The following RHBDF1 variants were observed in gnomAD, a reference collection of about 807,000 sequenced individuals.
RHBDF1 encodes inactive rhomboid protein 1.
A neutral mutation model predicts 98.6 loss-of-function variants in RHBDF1; 80 were observed. The ratio of observed to expected loss-of-function variants is 0.81; its 90% CI spans 0.68 to 0.98. The LOEUF is 0.98. Among genes scored for constraint, RHBDF1 ranks in the 50% least tolerant of loss-of-function variants. The probability of loss-of-function intolerance (pLI) is 0.00; values close to 1 mark genes in which losing one functional copy is unlikely to be tolerated. For missense variants in RHBDF1, 1,116 were observed against 1,198.3 expected (o/e 0.93, Z 1.01); for synonymous variants, 512 against 486.8 (o/e 1.05, Z -0.68).
chr16:68,305 G>T (rs1444879229), intron 1 of RHBDF1, among the ~76,000 whole-genome samples: 1 of 152,230 alleles, frequency 6.6e-6, no homozygotes, highest in Non-Finnish European at 1.5e-5. Flanking sequence ...TGGGCCTCAA[G>T]TGGGTGGGAT....
At chr16:60,943 G>C (rs1567113175) in intron 11 of RHBDF1, 177 bp downstream of exon 11, 1 of 659,296 alleles carries the variant, frequency 1.5e-6, no homozygotes. Context: ...ACGGGGCGAG[G>C]AGCTGGAGAT....
chr16:69,813 T>C (rs937564398), intron 1 of RHBDF1, among the ~76,000 whole-genome samples: 5 of 152,118 alleles, frequency 3.3e-5, no homozygotes, highest in Non-Finnish European at 7.4e-5. Context: ...CCTGAGACCT[T>C]TGCAGGGTTC....
At chr16:73,238 G>A (rs1049379734), upstream of RHBDF1, among the ~76,000 whole-genome samples, 2 of 151,938 alleles carry the variant, frequency 1.3e-5, no homozygotes, top group Non-Finnish European at 2.9e-5. Flanking sequence ...ACACACACAC[G>A]TGTACACACC....
At chr16:64,027 G>C (rs1897750490) in intron 3 of RHBDF1, 4 of 699,780 alleles carry the variant, frequency 5.7e-6, no homozygotes, top group Non-Finnish European at 1.0e-5. Context: ...TTGCCCGGTT[G>C]AGTGCTTCAT....
In RHBDF1 at chr16:61,375, C is replaced by T. The variant is rs769175423; in HGVS notation, c.1395+10G>A. The T allele has an allele frequency of 4.4e-6, 7 of 1,597,458 alleles. No homozygotes were observed. The African/African-American group carries it at 8.0e-5, about 18-fold the overall frequency. ...GCCCCCGCCGGCCCCGCCCCCAGCCCCGTCCTCACCGAGCTGGGCCCGATC... is the reference window on the plus strand; with the variant it reads ...GCCCCCGCCGGCCCCGCCCCCAGCCTCGTCCTCACCGAGCTGGGCCCGATC... On this transcript the variant is annotated intron_variant, in intron 10 of 17. Coordinates refer to ENST00000262316, the MANE Select transcript of RHBDF1 (RefSeq NM_022450.5).
chr16:63,067 GAGA>G lies in RHBDF1; in HGVS notation c.575_577del (p.Phe192del). 1 of 1,612,712 alleles carries G rather than the reference GAGA, an allele frequency of 6.2e-7. No homozygotes were observed. Among genetic ancestry groups the G allele is most frequent in the Non-Finnish European group, 8.5e-7 (1 of 1,179,736 alleles). ...CCGGTGGAAACCTGAGCGGGAGCTG[GAGA>G]AGGAGCAGAGGGAGGCAGCACCCGG... On this transcript the variant is annotated inframe_deletion, in exon 5 of 18. Coordinates refer to ENST00000262316, the MANE Select transcript of RHBDF1 (RefSeq NM_022450.5).
At chr16:71,583 G>A (rs1323972406) in intron 1 of RHBDF1, among the ~76,000 whole-genome samples, 1 of 152,224 alleles carries the variant, frequency 6.6e-6, no homozygotes, top group Non-Finnish European at 1.5e-5. Context: ...AAGTCCCGTT[G>A]GCGGGTGGGA....
intron 1 of RHBDF1, among the ~76,000 whole-genome samples, chr16:66,034 T>G (rs908961416): frequency 6.6e-6 from 1 of 152,146 alleles, no homozygotes; most frequent in East Asian, 1.9e-4. Context: ...CGACTCCATT[T>G]CCCCCTTACA....
At chr16:63,433 CTG>C (rs900659750) in intron 4 of RHBDF1, among the ~76,000 whole-genome samples, 152 bp downstream of exon 4, 1 of 152,242 alleles carries the variant, frequency 6.6e-6, no homozygotes, top group Non-Finnish European at 1.5e-5. Context: ...TTCCCAGAGA[CTG>C]TTTCAGGTGC....
chr16:61,960 C>A lies in RHBDF1; in HGVS notation c.1046G>T (p.Gly349Val), dbSNP rs1411535991. The A allele has an allele frequency of 1.3e-6, 2 of 1,593,458 alleles. No homozygotes were observed. The highest frequency in any genetic ancestry group is 3.3e-5 in the Admixed American group (2 of 59,738). ...RLRQEVVSTA[G>V]PRRGQRIAVP... ...CGCGATACGCTGGCCCCGTCGCGGC[C>A]CCGCGGTGCTCACCACCTCCTGTCG... The change falls in exon 8 of 18, where the codon GGG (glycine) becomes GTG (valine). Residue 349 changes from glycine to valine, a missense_variant. Physicochemically the swap from Gly to Val is moderately radical, Grantham distance 109 (BLOSUM62 -3). Transcript: ENST00000262316.
chr16:60,389 C>A (rs564167440), intron 12 of RHBDF1, 50 bp downstream of exon 12: 3 of 1,598,482 alleles, frequency 1.9e-6, no homozygotes, highest in East Asian at 2.2e-5. Flanking sequence ...CCACAGCCCC[C>A]GGGGAAGGTG....
chr16:60,641 G>A (rs747762800), intron 11 of RHBDF1, 102 bp from the exon 12 acceptor site: 97 of 753,072 alleles, frequency 1.3e-4, no homozygotes, highest in Non-Finnish European at 2.0e-4. Context: ...TCTTCCCTCC[G>A]CTTCTACAAG....
chr16:64,850 G>A (rs759942536), intron 2 of RHBDF1, 21 bp from the exon 3 acceptor site: 1 of 1,614,096 alleles, frequency 6.2e-7, no homozygotes, highest in Non-Finnish European at 8.5e-7. Context: ...GGGTCATGGT[G>A]AGGGTACTGG....
At chr16:59,575 C>T in intron 14 of RHBDF1, 81 bp from the exon 15 acceptor site, 1 of 1,503,870 alleles carries the variant, frequency 6.6e-7, no homozygotes, top group South Asian at 1.2e-5. Context: ...TCAGCCGCAC[C>T]TACCCACCTT....
intron 3 of RHBDF1, chr16:64,466 T>G (rs765804666): frequency 3.7e-5 from 55 of 1,506,762 alleles, no homozygotes; most frequent in Non-Finnish European, 4.8e-5. Context: ...ATCCGGGCGG[T>G]GGAGACAGAG....
At chr16:64,465 G>C (rs932510971) in intron 3 of RHBDF1, 1 of 1,505,512 alleles carries the variant, frequency 6.6e-7, no homozygotes, top group African/African-American at 1.4e-5. Context: ...CATCCGGGCG[G>C]TGGAGACAGA....
Position 61,114 on chromosome 16 carries a change from AC to A in RHBDF1, c.1557+5del. ...GAAGGCGGGAGTCCCGGGCGGGGAA[AC>A]GCACCGAGCACTCCTCCTCCGAGGT... On this transcript the variant is annotated splice_donor_5th_base_variant and intron_variant, in intron 11 of 17. Coordinates refer to ENST00000262316, the MANE Select transcript of RHBDF1 (RefSeq NM_022450.5). The A allele has an allele frequency of 1.3e-6, 2 of 1,522,034 alleles. No individual in the cohort carries two copies. Among genetic ancestry groups the A allele is most frequent in the Non-Finnish European group, 1.8e-6 (2 of 1,134,230 alleles). 94.3% of individuals were successfully genotyped at this position (1,522,034 alleles called of 1,614,324 possible). A position where few individuals can be genotyped will look rare whatever the true frequency, so the allele number is the denominator to read the frequency against.
Position 61,867 on chromosome 16 carries a change from G to C in RHBDF1, c.1139C>G (p.Thr380Ser). 5.0e-6 allele frequency: 8 copies of C among 1,610,438 alleles called. No homozygotes were observed. The highest frequency in any genetic ancestry group is 6.8e-6 in the Non-Finnish European group (8 of 1,179,806). The change falls in exon 8 of 18, where the codon ACC (threonine) becomes AGC (serine). Residue 380 changes from threonine to serine, a missense_variant. Coordinates refer to ENST00000262316, the MANE Select transcript of RHBDF1 (RefSeq NM_022450.5). ...PYGLGMVGRL[T>S]NRTYRKRIDS... ...GATGCGCTTGCGGTAGGTGCGGTTG[G>C]TGAGCCGTCCCACCATGCCCAGCCC... is the stretch of plus-strand genomic sequence containing the variant.
At chr16:75,823 G>A (rs547627049), upstream of RHBDF1, among the ~76,000 whole-genome samples, 5 of 152,284 alleles carry the variant, frequency 3.3e-5, no homozygotes, top group Admixed American at 1.3e-4. Flanking sequence ...TCAAAGCTGT[G>A]TAGAGGAGTC....
Sources: allele counts gnomAD v4.1 joint callset (sites outside exome capture counted in the v4.1 genomes callset), GRCh38; gene constraint gnomAD v4.1.1; transcripts MANE v1.5; gene names NCBI Gene and HGNC (gene_info 2026-07-23, HGNC 2026-07-21).